The following CNTN5 variants were observed in gnomAD, a reference collection of about 807,000 sequenced individuals.
The protein encoded by CNTN5 is contactin 5, also known as contactin-5.
CNTN5 carries 77 observed loss-of-function variants against 129.1 expected under a neutral mutation model. That is an observed-to-expected ratio of 0.60 (90% CI 0.50 to 0.72). The LOEUF (loss-of-function observed/expected upper bound fraction) is 0.72, where lower values mean the gene tolerates loss of function less well. CNTN5 is among the 30% of genes least tolerant of loss of function. The pLI is 0.00. For synonymous variants in CNTN5, 509 were observed against 465.6 expected (o/e 1.09, Z -1.20); for missense variants, 1,478 against 1,328.8 (o/e 1.11, Z -1.75).
chr11:99,331,975 G>T (rs2136028424), intron 2 of CNTN5, among the ~76,000 whole-genome samples: 2 of 152,168 alleles, frequency 1.3e-5, no homozygotes, highest in Middle Eastern at 6.8e-3. Context: ...AGTCATCCCA[G>T]ATGAAACATC....
intron 7 of CNTN5, among the ~76,000 whole-genome samples, chr11:99,950,823 A>G (rs1432632766): frequency 1.3e-5 from 2 of 152,194 alleles, no homozygotes; most frequent in Admixed American, 1.3e-4. Context: ...ACTAAAGTTT[A>G]GGAAAATTAA....
chr11:99,906,741 C>A (rs1417174122), intron 6 of CNTN5, among the ~76,000 whole-genome samples: 1 of 152,098 alleles, frequency 6.6e-6, no homozygotes, highest in Non-Finnish European at 1.5e-5. Flanking sequence ...CTTTGTACCA[C>A]TGGTAGAATT....
At chr11:99,314,050 G>C (rs1865230464) in intron 1 of CNTN5, among the ~76,000 whole-genome samples, 1 of 151,766 alleles carries the variant, frequency 6.6e-6, no homozygotes, top group Non-Finnish European at 1.5e-5. Context: ...AAAGGGGGTT[G>C]GTAAAAGGTG....
chr11:99,218,940 C>A (rs1253412286), intron 1 of CNTN5, among the ~76,000 whole-genome samples: 1 of 151,952 alleles, frequency 6.6e-6, no homozygotes, highest in African/African-American at 2.4e-5. Context: ...TAGTAGAAGC[C>A]ATACATTGAG....
intron 2 of CNTN5, among the ~76,000 whole-genome samples, chr11:99,470,372 A>C (rs573551466): frequency 7.2e-5 from 11 of 152,260 alleles, no homozygotes; most frequent in Non-Finnish European, 1.5e-4. Context: ...TACACAAATA[A>C]AAATAATGTT....
chr11:99,311,012 A>G (rs922085111), intron 1 of CNTN5, among the ~76,000 whole-genome samples: 4 of 152,044 alleles, frequency 2.6e-5, no homozygotes, highest in Non-Finnish European at 5.9e-5. Context: ...GCTCACTGCA[A>G]CCTCTGCCTC....
intron 2 of CNTN5, among the ~76,000 whole-genome samples, chr11:99,548,584 C>G (rs754442646): frequency 1.3e-5 from 2 of 152,174 alleles, no homozygotes; most frequent in African/African-American, 2.4e-5. Context: ...GTTTGCTTAT[C>G]TAAGTGCTTG....
At chr11:99,245,121 A>G (rs1446821972) in intron 1 of CNTN5, among the ~76,000 whole-genome samples, 1 of 152,016 alleles carries the variant, frequency 6.6e-6, no homozygotes, top group Non-Finnish European at 1.5e-5. Flanking sequence ...AACTGCACAC[A>G]CTCTTTATTG....
intron 1 of CNTN5, among the ~76,000 whole-genome samples, chr11:99,184,463 C>T (rs1312102267): frequency 6.6e-6 from 1 of 152,074 alleles, no homozygotes; most frequent in Non-Finnish European, 1.5e-5. Flanking sequence ...CTTCTCCAAT[C>T]CTGCCAGCTT....
At chr11:100,112,680 C>T (rs891896150) in intron 13 of CNTN5, among the ~76,000 whole-genome samples, 22 of 152,060 alleles carry the variant, frequency 1.4e-4, no homozygotes, top group Non-Finnish European at 3.1e-4. Context: ...GAATAGGCAG[C>T]GCACATCTTT....
chr11:99,445,838 C>G (rs1031413859), intron 2 of CNTN5, among the ~76,000 whole-genome samples: 14 of 152,036 alleles, frequency 9.2e-5, no homozygotes. Context: ...AATCCCAGCA[C>G]TTTGGGAGGC....
At chr11:99,651,659 A>G (rs1174422289) in intron 3 of CNTN5, among the ~76,000 whole-genome samples, 4 of 152,038 alleles carry the variant, frequency 2.6e-5, no homozygotes, top group African/African-American at 9.7e-5. Flanking sequence ...AGTTAAAATA[A>G]AATGAAGTGT....
At chr11:99,065,215 A>G (rs141590199) in intron 1 of CNTN5, among the ~76,000 whole-genome samples, 16 of 152,264 alleles carry the variant, frequency 1.1e-4, no homozygotes, top group South Asian at 4.1e-4. Flanking sequence ...TACACATAAC[A>G]CAGTAAGAAA....
chr11:100,001,103 G>T (rs989974326), intron 8 of CNTN5, among the ~76,000 whole-genome samples: 1 of 152,098 alleles, frequency 6.6e-6, no homozygotes, highest in South Asian at 2.1e-4. Context: ...TCAGCTCCTC[G>T]TTACTTATGC....
intron 9 of CNTN5, among the ~76,000 whole-genome samples, chr11:100,004,185 T>G (rs897051099): frequency 2.0e-5 from 3 of 152,174 alleles, no homozygotes; most frequent in African/African-American, 7.2e-5. Flanking sequence ...TCAGTATCTG[T>G]CACTGGATAT....
intron 1 of CNTN5, among the ~76,000 whole-genome samples, chr11:99,115,224 T>G (rs1857986291): frequency 6.6e-6 from 1 of 152,186 alleles, no homozygotes; most frequent in Non-Finnish European, 1.5e-5. Context: ...GGTTCTGGCT[T>G]TTCCTGCAAT....
At chr11:99,422,391 A>T (rs891653569) in intron 2 of CNTN5, among the ~76,000 whole-genome samples, 2 of 151,432 alleles carry the variant, frequency 1.3e-5, no homozygotes, top group African/African-American at 4.8e-5. Context: ...CATACACATT[A>T]TATCAGGGGA....
At chr11:99,712,985 A>C (rs982364658) in intron 3 of CNTN5, among the ~76,000 whole-genome samples, 2 of 151,784 alleles carry the variant, frequency 1.3e-5, no homozygotes, top group African/African-American at 4.8e-5. Context: ...TTCCAAATGA[A>C]ATTAAAGTAG....
intron 9 of CNTN5, among the ~76,000 whole-genome samples, chr11:100,021,581 A>C (rs1941150768): frequency 6.6e-6 from 1 of 152,160 alleles, no homozygotes; most frequent in African/African-American, 2.4e-5. Context: ...ATACATGATA[A>C]TATTTTTTGC....
Sources: gnomAD v4.1 joint callset for allele counts (sites outside exome capture counted in the v4.1 genomes callset) on GRCh38, gnomAD v4.1.1 for gene constraint, MANE v1.5 for transcripts, NCBI Gene and HGNC (gene_info 2026-07-23, HGNC 2026-07-21) for gene names.